Variants in ADCY2 observed in about 807,000 individuals in gnomAD.
ADCY2 encodes the protein adenylate cyclase 2.
Under a neutral mutation model 125.2 loss-of-function variants are expected in ADCY2, and 31 were observed. The observed-to-expected ratio is 0.25, with a 90% CI of 0.19 to 0.33. The LOEUF is 0.33. Among genes scored for constraint, ADCY2 ranks in the 10% least tolerant of loss-of-function variants. ADCY2 has a pLI of 1.00. For missense variants in ADCY2, 904 were observed against 1,418.2 expected, an observed-to-expected ratio of 0.64 and a Z score of 5.82; for synonymous variants, 512 against 548.4, an observed-to-expected ratio of 0.93 and a Z score of 0.93.
chr5:7,743,815 G>A, intron 15 of ADCY2, 63 bp downstream of exon 15: 1 of 1,530,644 alleles, frequency 6.5e-7, no homozygotes, highest in South Asian at 1.1e-5. Flanking sequence ...CTGATTTCTT[G>A]CCTAAAACTT....
intron 4 of ADCY2, among the ~76,000 whole-genome samples, chr5:7,663,356 C>T (rs190638173): frequency 2.6e-5 from 4 of 152,240 alleles, no homozygotes; most frequent in Non-Finnish European, 5.9e-5. Context: ...CTATTCACGC[C>T]TAGCGTGAGA....
At chr5:7,543,337 CAATT>C (rs140508708) in intron 3 of ADCY2, among the ~76,000 whole-genome samples, 2,953 of 152,102 alleles carry the variant, frequency 0.019, 88 homozygotes, top group African/African-American at 0.068. Context: ...ATTAATATCT[CAATT>C]GATTAATATT....
chr5:7,584,326 T>G (rs1017099742), intron 3 of ADCY2, among the ~76,000 whole-genome samples: 2 of 152,118 alleles, frequency 1.3e-5, no homozygotes, highest in African/African-American at 4.8e-5. Flanking sequence ...TATTTCTTTA[T>G]ATTTCTAAAA....
chr5:7,807,070 G>A (rs1744780107), intron 22 of ADCY2, among the ~76,000 whole-genome samples: 1 of 152,036 alleles, frequency 6.6e-6, no homozygotes, highest in Admixed American at 6.5e-5. Context: ...TTTGCTCTTG[G>A]ACAGCCAACT....
intron 6 of ADCY2, among the ~76,000 whole-genome samples, 175 bp from the exon 7 acceptor site, chr5:7,698,072 G>T (rs1211619787): frequency 6.6e-6 from 1 of 152,090 alleles, no homozygotes; most frequent in Non-Finnish European, 1.5e-5. Context: ...TCGGCATGTA[G>T]GGGAGGGCAG....
At chr5:7,555,684 CTT>C (rs1296963163) in intron 3 of ADCY2, among the ~76,000 whole-genome samples, 1 of 152,158 alleles carries the variant, frequency 6.6e-6, no homozygotes, top group Non-Finnish European at 1.5e-5. Context: ...ATTCCCATAA[CTT>C]TAGGCTCCAT....
chr5:7,824,084 G>A (rs1045999264), intron 24 of ADCY2, among the ~76,000 whole-genome samples: 1 of 152,128 alleles, frequency 6.6e-6, no homozygotes, highest in African/African-American at 2.4e-5. Flanking sequence ...ACTCCAATAA[G>A]CTCTCTTTTC....
intron 4 of ADCY2, among the ~76,000 whole-genome samples, chr5:7,660,239 A>AGAAGGAAAGAAGGAAGGAAGGAAG (rs1459400217): frequency 5.9e-5 from 6 of 101,268 alleles, no homozygotes; most frequent in African/African-American, 2.5e-4. Context: ...AGGGAGGGAG[A>AGAAGGAAAGAAGGAAGGAAGGAAG]GAAGGAAGGA....
chr5:7,618,043 A>G (rs1308227143), intron 3 of ADCY2, among the ~76,000 whole-genome samples: 1 of 152,200 alleles, frequency 6.6e-6, no homozygotes, highest in Non-Finnish European at 1.5e-5. Flanking sequence ...CTTGTGAATC[A>G]CAGCACTCAG....
At chr5:7,673,047 A>G (rs887410925) in intron 4 of ADCY2, among the ~76,000 whole-genome samples, 3 of 151,616 alleles carry the variant, frequency 2.0e-5, no homozygotes, top group African/African-American at 4.9e-5. Context: ...CAGGAGTACT[A>G]TATCATGTAA....
chr5:7,512,360 C>T (rs912572468), intron 2 of ADCY2, among the ~76,000 whole-genome samples: 2 of 151,582 alleles, frequency 1.3e-5, no homozygotes, highest in Non-Finnish European at 2.9e-5. Context: ...GTAAGAAAGG[C>T]TGTTTGGATG....
At position 7,657,282 on chromosome 5, in the gene ADCY2, G is replaced by C. The variant is rs138197336; in HGVS notation, c.720+30966G>C. Reference sequence around the variant, plus strand: ...GTCCACTGGAGGGCTGAGGAGGCAGGGTGCTGGATAGTTGAAAATCAGTGA... The same window carrying C: ...GTCCACTGGAGGGCTGAGGAGGCAGCGTGCTGGATAGTTGAAAATCAGTGA... On this transcript the variant is annotated intron_variant, in intron 4 of 24. Transcript: ENST00000338316. 1.5e-4 allele frequency among the ~76,000 whole-genome samples: 23 copies of C among 152,296 alleles called. No homozygotes were observed. In the East Asian group the frequency reaches 4.3e-3, roughly 28 times the overall value.
intron 12 of ADCY2, among the ~76,000 whole-genome samples, chr5:7,723,239 C>A (rs969760810): frequency 6.6e-6 from 1 of 152,100 alleles, no homozygotes; most frequent in Admixed American, 6.5e-5. Flanking sequence ...GTACAACAAA[C>A]CCCCATGACA....
chr5:7,458,776 C>T (rs988538871), intron 2 of ADCY2, among the ~76,000 whole-genome samples: 1 of 152,124 alleles, frequency 6.6e-6, no homozygotes, highest in East Asian at 1.9e-4. Flanking sequence ...CTCGATAGTA[C>T]ACAAAACAAA....
intron 4 of ADCY2, among the ~76,000 whole-genome samples, chr5:7,639,489 T>C (rs1738620541): frequency 6.6e-6 from 1 of 152,212 alleles, no homozygotes; most frequent in South Asian, 2.1e-4. Flanking sequence ...TAATTAGTTA[T>C]TATCAGTAGT....
At chr5:7,412,407 C>T (rs1236580935) in intron 1 of ADCY2, among the ~76,000 whole-genome samples, 1 of 152,186 alleles carries the variant, frequency 6.6e-6, no homozygotes, top group East Asian at 1.9e-4. Flanking sequence ...AATCAGTTTT[C>T]ATGGCACCAT....
chr5:7,427,725 A>T (rs1321240989), intron 2 of ADCY2, among the ~76,000 whole-genome samples: 1 of 152,226 alleles, frequency 6.6e-6, no homozygotes, highest in Non-Finnish European at 1.5e-5. Context: ...TAGGGGGTTA[A>T]GCCTTTGGCA....
chr5:7,769,923 C>T (rs947750736), intron 17 of ADCY2, among the ~76,000 whole-genome samples: 14 of 152,184 alleles, frequency 9.2e-5, no homozygotes, highest in African/African-American at 2.9e-4. Flanking sequence ...CAATAGAAGT[C>T]GGTTCAGTAT....
At chr5:7,468,385 G>T (rs185220161) in intron 2 of ADCY2, among the ~76,000 whole-genome samples, 2 of 152,284 alleles carry the variant, frequency 1.3e-5, no homozygotes, top group Admixed American at 6.5e-5. Flanking sequence ...CTAAAGAAAA[G>T]CTGCCCAGTA....
Sources: gnomAD v4.1 joint callset for allele counts (sites outside exome capture counted in the v4.1 genomes callset) on GRCh38, gnomAD v4.1.1 for gene constraint, MANE v1.5 for transcripts, NCBI Gene and HGNC (gene_info 2026-07-23, HGNC 2026-07-21) for gene names.